SPTBN1: variants seen among roughly 807,000 people sequenced by gnomAD.
The protein encoded by SPTBN1 is spectrin beta, non-erythrocytic 1.
In SPTBN1, 32 loss-of-function variants were observed where a neutral mutation model predicts 266.4. The ratio of observed to expected loss-of-function variants is 0.12; its 90% CI spans 0.09 to 0.16. SPTBN1 has a LOEUF of 0.16. SPTBN1 is among the 10% of genes least tolerant of loss of function. The pLI, the probability that SPTBN1 is intolerant of heterozygous loss-of-function variation, is 1.00. For missense variants in SPTBN1, 2,296 were observed against 3,067.1 expected, an observed-to-expected ratio of 0.75 and a Z score of 5.94; for synonymous variants, 1,336 against 1,162.2, an observed-to-expected ratio of 1.15 and a Z score of -3.04.
chr2:54,460,484 C>T (rs754272137), intron 1 of SPTBN1, among the ~76,000 whole-genome samples: 6 of 151,870 alleles, frequency 4.0e-5, no homozygotes, highest in Non-Finnish European at 8.8e-5. Flanking sequence ...AGTCTTTTTC[C>T]CCTCTGGAAG....
intron 2 of SPTBN1, among the ~76,000 whole-genome samples, chr2:54,594,881 C>CTGGA (rs1675960854): frequency 8.3e-6 from 1 of 120,612 alleles, no homozygotes; most frequent in African/African-American, 3.6e-5. Flanking sequence ...GTTGCCAAGG[C>CTGGA]TGGAGTGCAA....
intron 32 of SPTBN1, chr2:54,660,286 G>A (rs927123340): frequency 4.7e-6 from 6 of 1,281,296 alleles, no homozygotes; most frequent in Middle Eastern, 2.8e-4. Flanking sequence ...CTTATTTTTT[G>A]TTTATTTATT....
chr2:54,536,366 T>C (rs1011694253), intron 2 of SPTBN1, among the ~76,000 whole-genome samples: 1 of 152,268 alleles, frequency 6.6e-6, no homozygotes, highest in African/African-American at 2.4e-5. Flanking sequence ...TCTAGAATTT[T>C]ATTTAACCTC....
intron 1 of SPTBN1, among the ~76,000 whole-genome samples, chr2:54,511,781 G>C (rs1216730959): frequency 1.3e-5 from 2 of 152,004 alleles, no homozygotes; most frequent in Non-Finnish European, 1.5e-5. Flanking sequence ...TGAGGCAGGA[G>C]AACCTCTTGA....
intron 1 of SPTBN1, among the ~76,000 whole-genome samples, chr2:54,507,107 A>C (rs760492868): frequency 7.2e-5 from 11 of 152,108 alleles, no homozygotes; most frequent in Non-Finnish European, 1.5e-4. Context: ...AACCTTCTTA[A>C]GGGTGGTGGA....
chr2:54,612,439 G>T (rs570925058), intron 4 of SPTBN1, 105 bp downstream of exon 4: 289 of 1,310,000 alleles, frequency 2.2e-4, no homozygotes, highest in Non-Finnish European at 2.9e-4. Flanking sequence ...GGAAGACCAG[G>T]TTGAAAGCAT....
intron 18 of SPTBN1, among the ~76,000 whole-genome samples, chr2:54,639,777 G>A (rs1292588813): frequency 6.6e-6 from 1 of 152,244 alleles, no homozygotes; most frequent in Non-Finnish European, 1.5e-5. Flanking sequence ...CCTTGGCTGA[G>A]TTCCAGTGAT....
chr2:54,492,149 A>T (rs1668717747), intron 1 of SPTBN1, among the ~76,000 whole-genome samples: 2 of 152,182 alleles, frequency 1.3e-5, no homozygotes, highest in African/African-American at 2.4e-5. Flanking sequence ...GAGCTAAGCC[A>T]TGCTATAATT....
In SPTBN1 at chr2:54,664,394, G is replaced by A. The variant is rs200782767; in HGVS notation, c.6421-59G>A. On this transcript the variant is annotated intron_variant, in intron 32 of 35. Transcript: ENST00000356805. This position sits in a 1 kb window ranked among gnomAD's most constrained non-coding sequence, Gnocchi z 5.6. ...GCCACATGTGCGAGTCAGGTAGAGC[G>A]TATGTGGTCACCCCCATGGCTCACG... The A allele has an allele frequency of 2.1e-4, 316 of 1,528,744 alleles. 1 individual carries two copies. The South Asian group carries it at 3.2e-3, about 16-fold the overall frequency. 94.7% of individuals were successfully genotyped at this position (1,528,744 alleles called of 1,614,324 possible). A position where few individuals can be genotyped will look rare whatever the true frequency, so the allele number is the denominator to read the frequency against.
intron 2 of SPTBN1, among the ~76,000 whole-genome samples, chr2:54,574,852 G>C (rs375270672): frequency 6.6e-6 from 1 of 152,210 alleles, no homozygotes; most frequent in Non-Finnish European, 1.5e-5. Context: ...GGGCTTTCCA[G>C]CATGAACCAG....
chr2:54,530,595 G>T (rs1338114162), intron 2 of SPTBN1, among the ~76,000 whole-genome samples: 1 of 151,946 alleles, frequency 6.6e-6, no homozygotes, highest in Non-Finnish European at 1.5e-5. Context: ...CTGACCTCAT[G>T]ATCTGCCCGC....
At chr2:54,470,330 A>G (rs1290000077) in intron 1 of SPTBN1, among the ~76,000 whole-genome samples, 1 of 152,164 alleles carries the variant, frequency 6.6e-6, no homozygotes, top group Non-Finnish European at 1.5e-5. Context: ...ATGTATTTTC[A>G]CTGGACTACA....
Position 54,629,273 on chromosome 2 carries a change from G to A in SPTBN1, c.2139G>A (p.Glu713=), listed in dbSNP as rs1329512496. 2 of 1,614,068 alleles carry A rather than the reference G, an allele frequency of 1.2e-6. No individual in the cohort carries two copies. Among genetic ancestry groups the A allele is most frequent in the East Asian group, 2.2e-5 (1 of 44,888 alleles). ...TCGCGGAGGAGCACTTCGGGTCGGA[G>A]AAGATCCGTGAGAGGATCATTTACA... ...DMIAEEHFGS[E]KIRERIIYIR... is the part of the protein sequence containing the mutation. The change falls in exon 14 of 36, where the codon GAG becomes GAA. Residue 713 remains glutamate, a synonymous_variant. Coordinates refer to ENST00000356805, the MANE Select transcript of SPTBN1 (RefSeq NM_003128.3).
intron 2 of SPTBN1, among the ~76,000 whole-genome samples, chr2:54,576,072 T>TTTTTTTTTTTTA (rs1674447709): frequency 2.6e-5 from 3 of 113,358 alleles, no homozygotes; most frequent in Admixed American, 1.0e-4. Flanking sequence ...TTTTTTTTTT[T>TTTTTTTTTTTTA]GAGAGACAGT....
At chr2:54,465,275 GTTCTTTGGTAT>G (rs368806759) in intron 1 of SPTBN1, among the ~76,000 whole-genome samples, 2 of 152,212 alleles carry the variant, frequency 1.3e-5, no homozygotes, top group African/African-American at 2.4e-5. Flanking sequence ...GAGGACCAGG[GTTCTTTGGTAT>G]TTCCAGTCTC....
rs1262724860 is a variant in SPTBN1, at chr2:54,632,758, A to T, written c.3757A>T (p.Ile1253Phe). The change falls in exon 17 of 36, where the codon ATT becomes TTT. Residue 1253 changes from isoleucine (I) to phenylalanine (F), a missense_variant. By Grantham distance (21) the Ile-to-Phe change is conservative. Transcript: ENST00000356805. The part of the protein sequence containing the change: ...SDRIQEKVDS[I>F]DDRHRKNRET... ...TCGCATCCAGGAGAAGGTGGACTCT[A>T]TTGATGACAGGTACAGTTTTCTGAG... 4 of 1,614,154 alleles carry T rather than the reference A, an allele frequency of 2.5e-6. No homozygotes were observed. Among genetic ancestry groups the T allele is most frequent in the Non-Finnish European group, 2.5e-6 (3 of 1,180,024 alleles).
At chr2:54,490,218 C>T (rs898014574) in intron 1 of SPTBN1, among the ~76,000 whole-genome samples, 4 of 151,856 alleles carry the variant, frequency 2.6e-5, no homozygotes, top group Non-Finnish European at 4.4e-5. Context: ...ATTACAGCTG[C>T]GTGCCACCAT....
chr2:54,606,199 A>G (rs1460091645), intron 3 of SPTBN1, among the ~76,000 whole-genome samples: 2 of 152,234 alleles, frequency 1.3e-5, no homozygotes, highest in Non-Finnish European at 2.9e-5. Context: ...ATAAAGTCTG[A>G]AAGAACATTG....
chr2:54,571,225 T>G (rs1344070221), intron 2 of SPTBN1, among the ~76,000 whole-genome samples: 4 of 152,002 alleles, frequency 2.6e-5, no homozygotes, highest in Non-Finnish European at 5.9e-5. Context: ...TCTCTCTCAT[T>G]TCAGAAACAA....
Sources: allele counts gnomAD v4.1 joint callset (sites outside exome capture counted in the v4.1 genomes callset), GRCh38; gene constraint gnomAD v4.1.1; non-coding constraint Gnocchi (gnomAD v3.1); transcripts MANE v1.5; gene names NCBI Gene and HGNC (gene_info 2026-07-23, HGNC 2026-07-21).